The following RIMS2 variants were observed in gnomAD, a reference collection of about 807,000 sequenced individuals.
The protein encoded by RIMS2 is regulating synaptic membrane exocytosis protein 2.
RIMS2 carries 59 observed loss-of-function variants against 174.4 expected under a neutral mutation model. That is an observed-to-expected ratio of 0.34 (90% CI 0.27 to 0.42). The LOEUF (loss-of-function observed/expected upper bound fraction) is 0.42, where lower values mean the gene tolerates loss of function less well. Ranked by LOEUF, RIMS2 falls within the 10% of genes least tolerant of loss-of-function variation. RIMS2 has a pLI of 1.00. For missense variants in RIMS2, 1,620 were observed against 1,666.3 expected, an observed-to-expected ratio of 0.97 and a Z score of 0.48; for synonymous variants, 606 against 572.5, an observed-to-expected ratio of 1.06 and a Z score of -0.84.
chr8:103,755,024 C>A (rs1336884604), intron 2 of RIMS2, among the ~76,000 whole-genome samples: 1 of 152,128 alleles, frequency 6.6e-6, no homozygotes, highest in Non-Finnish European at 1.5e-5. Flanking sequence ...TTCATAGTGT[C>A]CATGGTCTTT....
chr8:104,060,131 T>C (rs1597978166), intron 19 of RIMS2, among the ~76,000 whole-genome samples: 1 of 151,892 alleles, frequency 6.6e-6, no homozygotes, highest in Non-Finnish European at 1.5e-5. Context: ...ATTGGAATAG[T>C]TTCAGAAGGA....
chr8:104,142,640 C>T (rs940369542), intron 19 of RIMS2, among the ~76,000 whole-genome samples: 1 of 152,144 alleles, frequency 6.6e-6, no homozygotes, highest in Non-Finnish European at 1.5e-5. Context: ...CAGTGACCTA[C>T]CTTGTGACCA....
At chr8:103,949,182 G>A (rs1246669361) in intron 14 of RIMS2, among the ~76,000 whole-genome samples, 3 of 147,920 alleles carry the variant, frequency 2.0e-5, no homozygotes, top group Non-Finnish European at 4.5e-5. Context: ...GGGAAGGAAA[G>A]GGAGAAGAGA....
intron 1 of RIMS2, among the ~76,000 whole-genome samples, chr8:103,597,822 T>C (rs1325782240): frequency 6.6e-6 from 1 of 152,112 alleles, no homozygotes. Context: ...TAATAGTGTT[T>C]TTTAAACCGT....
At chr8:103,837,640 C>T (rs1464028896) in intron 3 of RIMS2, among the ~76,000 whole-genome samples, 2 of 152,096 alleles carry the variant, frequency 1.3e-5, no homozygotes, top group African/African-American at 4.8e-5. Flanking sequence ...CGATAGTTTG[C>T]TGAGAATGAT....
At chr8:103,690,244 A>G (rs1461819671) in intron 1 of RIMS2, among the ~76,000 whole-genome samples, 1 of 152,100 alleles carries the variant, frequency 6.6e-6, no homozygotes, top group Non-Finnish European at 1.5e-5. Flanking sequence ...GATTATAGTC[A>G]TGAGCCACCG....
intron 19 of RIMS2, among the ~76,000 whole-genome samples, chr8:104,183,640 G>C (rs2098952414): frequency 1.3e-5 from 2 of 151,490 alleles, no homozygotes; most frequent in Admixed American, 6.6e-5. Context: ...AAGGAATATA[G>C]AGATGAAATT....
At chr8:103,941,896 A>G (rs996813854) in intron 13 of RIMS2, among the ~76,000 whole-genome samples, 3 of 152,180 alleles carry the variant, frequency 2.0e-5, no homozygotes, top group African/African-American at 7.2e-5. Context: ...TGCTTATGAA[A>G]ATTAAACAAT....
chr8:103,748,511 C>G (rs1312563479), intron 2 of RIMS2, among the ~76,000 whole-genome samples: 1 of 152,026 alleles, frequency 6.6e-6, no homozygotes, highest in African/African-American at 2.4e-5. Flanking sequence ...GTGAATGAAG[C>G]TTTATACCCT....
intron 19 of RIMS2, among the ~76,000 whole-genome samples, chr8:104,164,670 A>G (rs945714568): frequency 1.3e-5 from 2 of 152,194 alleles, no homozygotes; most frequent in South Asian, 2.1e-4. Context: ...ATGGAGCTGG[A>G]GGCCACTATC....
chr8:103,953,199 C>T (rs1286077726), intron 14 of RIMS2, among the ~76,000 whole-genome samples: 1 of 152,108 alleles, frequency 6.6e-6, no homozygotes, highest in African/African-American at 2.4e-5. Context: ...TCCAGGAGAA[C>T]TTCCCCAGCC....
chr8:103,829,798 T>A (rs1160066083), intron 3 of RIMS2, among the ~76,000 whole-genome samples: 2 of 151,986 alleles, frequency 1.3e-5, no homozygotes, highest in African/African-American at 4.8e-5. Context: ...ACATGCCAGA[T>A]CCCCAAGTTT....
intron 1 of RIMS2, among the ~76,000 whole-genome samples, chr8:103,680,744 C>T (rs992487449): frequency 9.2e-5 from 14 of 151,896 alleles, no homozygotes; most frequent in Non-Finnish European, 1.6e-4. Flanking sequence ...GACTGGATTT[C>T]ATTGAAATCA....
chr8:103,533,722 T>C (rs947984908), intron 1 of RIMS2, among the ~76,000 whole-genome samples: 2 of 146,798 alleles, frequency 1.4e-5, no homozygotes, highest in African/African-American at 5.0e-5. Flanking sequence ...AAATAATGTA[T>C]GGAGTAGAAA....
In RIMS2 at chr8:103,900,854, GC is replaced by G. The variant is rs554744451; in HGVS notation, c.1625-9279del. The stretch of plus-strand genomic sequence containing the variant: ...AAACTGGTTTAGATCCAGAAACTAT[GC>G]AAGGAGTTTTGTCTTGTTATTGGGG... On this transcript the variant is annotated intron_variant, in intron 4 of 23. Transcript: ENST00000504942. 4.0e-3 allele frequency among the ~76,000 whole-genome samples: 611 copies of G among 152,150 alleles called. 14 individuals carry two copies. The highest frequency in any genetic ancestry group is 0.038 in the Admixed American group (574 of 15,264).
chr8:104,075,760 C>A (rs893773914), intron 19 of RIMS2, among the ~76,000 whole-genome samples: 1 of 152,142 alleles, frequency 6.6e-6, no homozygotes, highest in Non-Finnish European at 1.5e-5. Context: ...GAAAAAAGGA[C>A]AGCCTACATT....
intron 1 of RIMS2, among the ~76,000 whole-genome samples, chr8:103,523,418 G>C (rs28418995): frequency 0.012 from 1,768 of 152,134 alleles, 33 homozygotes; most frequent in African/African-American, 0.039. Context: ...GTGTGTGTGT[G>C]GTGAGTTAGG....
chr8:103,573,324 A>G (rs796431814), intron 1 of RIMS2, among the ~76,000 whole-genome samples: 23 of 152,170 alleles, frequency 1.5e-4, no homozygotes, highest in African/African-American at 5.1e-4. Context: ...TCAGCCTCCA[A>G]AAGTGTTGGG....
intron 1 of RIMS2, among the ~76,000 whole-genome samples, chr8:103,510,371 A>C (rs1179238619): frequency 6.6e-6 from 1 of 152,154 alleles, no homozygotes; most frequent in East Asian, 1.9e-4. Flanking sequence ...TCACACATAA[A>C]ACAGTCTTCA....
Sources: gnomAD v4.1 joint callset for allele counts (sites outside exome capture counted in the v4.1 genomes callset) on GRCh38, gnomAD v4.1.1 for gene constraint, MANE v1.5 for transcripts, NCBI Gene and HGNC (gene_info 2026-07-23, HGNC 2026-07-21) for gene names.